NMNAT2: variants seen among roughly 807,000 people sequenced by gnomAD.
NMNAT2 encodes nicotinamide/nicotinic acid mononucleotide adenylyltransferase 2.
Under a neutral mutation model 41.6 loss-of-function variants are expected in NMNAT2, and 11 were observed. That is an observed-to-expected ratio of 0.26 (90% CI 0.17 to 0.44). The LOEUF (loss-of-function observed/expected upper bound fraction) is 0.44. Among genes scored for constraint, NMNAT2 ranks in the 20% least tolerant of loss-of-function variants. NMNAT2 has a pLI of 1.00. For synonymous variants in NMNAT2, 148 were observed against 151.2 expected, an observed-to-expected ratio of 0.98 and a Z score of 0.16; for missense variants, 288 against 407.7, an observed-to-expected ratio of 0.71 and a Z score of 2.53.
chr1:183,338,988 G>T (rs1463292094), intron 1 of NMNAT2, among the ~76,000 whole-genome samples: 2 of 152,156 alleles, frequency 1.3e-5, no homozygotes, highest in African/African-American at 4.8e-5. Flanking sequence ...ATTTAGTAAG[G>T]CTGATTTCAC....
At chr1:183,363,701 A>G (rs570113533) in intron 1 of NMNAT2, among the ~76,000 whole-genome samples, 1 of 152,296 alleles carries the variant, frequency 6.6e-6, no homozygotes, top group South Asian at 2.1e-4. Context: ...AGAGGAATTG[A>G]ATTGTAACCC....
chr1:183,359,229 A>T (rs1190263631), intron 1 of NMNAT2, among the ~76,000 whole-genome samples: 1 of 152,168 alleles, frequency 6.6e-6, no homozygotes, highest in African/African-American at 2.4e-5. Context: ...AGTCCCTTCA[A>T]GCCTCCCCAG....
chr1:183,372,610 T>C (rs1001683526), intron 1 of NMNAT2, among the ~76,000 whole-genome samples: 10 of 152,208 alleles, frequency 6.6e-5, no homozygotes, highest in African/African-American at 2.2e-4. Context: ...TACTGCAAAA[T>C]TGCTTGGTTC....
At chr1:183,266,916 C>T (rs1249066362) in intron 8 of NMNAT2, 5 of 162,496 alleles carry the variant, frequency 3.1e-5, no homozygotes, top group Admixed American at 6.5e-5. Flanking sequence ...ATCTATTCTG[C>T]GTTGGTTTTA....
intron 1 of NMNAT2, among the ~76,000 whole-genome samples, chr1:183,314,320 T>C (rs1373332090): frequency 1.3e-5 from 2 of 152,180 alleles, no homozygotes; most frequent in Non-Finnish European, 2.9e-5. Context: ...CCTACCTTGG[T>C]AACCCCTGCC....
chr1:183,406,323 C>G (rs1648953350), intron 1 of NMNAT2, among the ~76,000 whole-genome samples: 1 of 152,120 alleles, frequency 6.6e-6, no homozygotes, highest in Admixed American at 6.5e-5. Context: ...GGTGCTGGGA[C>G]AGAGTAGCTG....
chr1:183,383,158 C>T (rs1043754358), intron 1 of NMNAT2, among the ~76,000 whole-genome samples: 5 of 152,222 alleles, frequency 3.3e-5, no homozygotes, highest in African/African-American at 7.2e-5. Flanking sequence ...GGCTTGTACT[C>T]TCTGGAGCAG....
Position 183,397,529 on chromosome 1 carries a change from T to C in NMNAT2, c.85+20654A>G, listed in dbSNP as rs958438154. 7.2e-5 allele frequency among the ~76,000 whole-genome samples: 11 copies of C among 151,964 alleles called. No homozygotes were observed. In the East Asian group the frequency reaches 1.2e-3, roughly 16 times the overall value. On this transcript the variant is annotated intron_variant, in intron 1 of 10. Coordinates refer to ENST00000287713, the MANE Select transcript of NMNAT2 (RefSeq NM_015039.4). ...GGAGAACTTCCCCAACCCAGCAAGG[T>C]AGGCCAACATTCAAATTCAGGAAAT...
At chr1:183,282,411 C>G (rs1258269465) in intron 7 of NMNAT2, among the ~76,000 whole-genome samples, 1 of 152,242 alleles carries the variant, frequency 6.6e-6, no homozygotes, top group Non-Finnish European at 1.5e-5. Context: ...CTGTGCAATA[C>G]TGATCACCAC....
intron 1 of NMNAT2, among the ~76,000 whole-genome samples, chr1:183,378,828 A>C (rs967035275): frequency 1.3e-5 from 2 of 152,096 alleles, no homozygotes; most frequent in Non-Finnish European, 2.9e-5. Context: ...AGATTGCTTA[A>C]GGCCAGAAGT....
chr1:183,335,240 C>T (rs1662659333), intron 1 of NMNAT2, among the ~76,000 whole-genome samples: 1 of 152,214 alleles, frequency 6.6e-6, no homozygotes, highest in African/African-American at 2.4e-5. Flanking sequence ...CTGTTAACAG[C>T]AACACCATCT....
At chr1:183,386,579 T>C (rs1220132977) in intron 1 of NMNAT2, among the ~76,000 whole-genome samples, 2 of 152,196 alleles carry the variant, frequency 1.3e-5, no homozygotes, top group African/African-American at 4.8e-5. Flanking sequence ...TCATTTTATA[T>C]GAATTTTTAA....
chr1:183,381,158 A>C (rs1403352353), intron 1 of NMNAT2, among the ~76,000 whole-genome samples: 1 of 152,142 alleles, frequency 6.6e-6, no homozygotes, highest in Non-Finnish European at 1.5e-5. Flanking sequence ...TGTGGGAGAG[A>C]GACTGATTAC....
In NMNAT2 at chr1:183,249,151, C is replaced by T. The variant is rs1660306973; in HGVS notation, c.*3490G>A. 6.6e-6 allele frequency: 1 copy of T among 152,140 alleles called. No homozygotes were observed. The highest frequency in any genetic ancestry group is 2.1e-4 in the South Asian group (1 of 4,828). The allele number at this position is 152,140 out of a possible 1,614,324, so 9.4% of individuals were successfully genotyped here. ...AGGAAGAACGGCGTCTCTAGAAGCT[C>T]TAGCTTTGGGTTTCAGGCACTTCAG... On this transcript the variant is annotated 3_prime_UTR_variant, in exon 11 of 11. Coordinates refer to ENST00000287713, the MANE Select transcript of NMNAT2 (RefSeq NM_015039.4).
intron 1 of NMNAT2, among the ~76,000 whole-genome samples, chr1:183,357,693 A>G (rs548292): frequency 0.59 from 90,333 of 152,050 alleles, 27,065 homozygotes; most frequent in East Asian, 0.8. Flanking sequence ...AATAATACCC[A>G]TTCTGACCGG....
chr1:183,256,580 A>G (rs181633457), intron 10 of NMNAT2, among the ~76,000 whole-genome samples: 31 of 152,236 alleles, frequency 2.0e-4, no homozygotes, highest in South Asian at 1.4e-3. Context: ...CTTTCAGTCT[A>G]TTTATGTGAT....
intron 1 of NMNAT2, among the ~76,000 whole-genome samples, chr1:183,368,469 C>T (rs542268646): frequency 9.9e-5 from 15 of 152,244 alleles, no homozygotes; most frequent in Admixed American, 5.2e-4. Context: ...ACAATAAATG[C>T]CATTGATCTG....
At chr1:183,303,981 C>T (rs1024108867) in intron 1 of NMNAT2, among the ~76,000 whole-genome samples, 8 of 152,372 alleles carry the variant, frequency 5.3e-5, no homozygotes, top group Non-Finnish European at 8.8e-5. Flanking sequence ...GACCCCTGGG[C>T]GGAGAATGTG....
intron 1 of NMNAT2, among the ~76,000 whole-genome samples, chr1:183,308,461 T>C (rs919750766): frequency 6.6e-6 from 1 of 152,160 alleles, no homozygotes; most frequent in Admixed American, 6.5e-5. Context: ...CAGGAATCCA[T>C]ACTACAGAAA....
Sources: gnomAD v4.1 joint callset for allele counts (sites outside exome capture counted in the v4.1 genomes callset) on GRCh38, gnomAD v4.1.1 for gene constraint, MANE v1.5 for transcripts, NCBI Gene and HGNC (gene_info 2026-07-23, HGNC 2026-07-21) for gene names.